The following ZCCHC7 variants were observed in gnomAD, a reference collection of about 807,000 sequenced individuals.
ZCCHC7 encodes the protein zinc finger CCHC-type containing 7.
ZCCHC7 carries 35 observed loss-of-function variants against 52.0 expected under a neutral mutation model. That is an observed-to-expected ratio of 0.67 (90% CI 0.51 to 0.89). ZCCHC7 has a LOEUF of 0.89. Among genes scored for constraint, ZCCHC7 ranks in the 40% least tolerant of loss-of-function variants. ZCCHC7 has a pLI of 0.00. For missense variants in ZCCHC7, 574 were observed against 649.1 expected (o/e 0.88, Z 1.26); for synonymous variants, 217 against 221.5 (o/e 0.98, Z 0.18).
chr9:37,135,792 G>A (rs1391029127), intron 2 of ZCCHC7, among the ~76,000 whole-genome samples: 2 of 152,114 alleles, frequency 1.3e-5, no homozygotes, highest in African/African-American at 4.8e-5. Context: ...CAACACTTAT[G>A]GCAGAAAGTG....
chr9:37,341,651 G>A (rs1264927798), intron 6 of ZCCHC7, among the ~76,000 whole-genome samples: 1 of 152,084 alleles, frequency 6.6e-6, no homozygotes, highest in African/African-American at 2.4e-5. Context: ...AAATAAAATG[G>A]CAGTACAGCA....
chr9:37,184,607 C>T (rs1206558312), intron 2 of ZCCHC7, among the ~76,000 whole-genome samples: 1 of 151,992 alleles, frequency 6.6e-6, no homozygotes, highest in Non-Finnish European at 1.5e-5. Context: ...GAGAGATTTC[C>T]AGCTTTATTT....
chr9:37,336,869 T>G (rs2118381400), intron 6 of ZCCHC7, among the ~76,000 whole-genome samples: 1 of 152,232 alleles, frequency 6.6e-6, no homozygotes, highest in Admixed American at 6.5e-5. Flanking sequence ...TTGTGGTCCT[T>G]CTCCATCCAT....
intron 6 of ZCCHC7, among the ~76,000 whole-genome samples, chr9:37,338,319 C>G (rs1263673231): frequency 6.6e-6 from 1 of 151,882 alleles, no homozygotes; most frequent in African/African-American, 2.4e-5. Context: ...AATATATAAC[C>G]CTTTCACTAT....
chr9:37,153,533 C>T lies in ZCCHC7; in HGVS notation c.610+26591C>T, dbSNP rs535670668. On this transcript the variant is annotated intron_variant, in intron 2 of 8. Transcript: ENST00000336755. ...TTCACTCTGTTTCCCAGGCTGGTCT[C>T]GAACTCCTAAGCTCAAGTGATTCTC... Among the ~76,000 whole-genome samples the T allele has an allele frequency of 3.6e-4, 55 of 151,700 alleles. 1 individual carries two copies. The South Asian group carries it at 7.1e-3, about 20-fold the overall frequency.
chr9:37,326,454 A>G (rs530200950), intron 5 of ZCCHC7, among the ~76,000 whole-genome samples: 4 of 151,540 alleles, frequency 2.6e-5, no homozygotes, highest in East Asian at 1.9e-4. Flanking sequence ...GCTGACCACT[A>G]AACAGTCTTT....
At chr9:37,173,452 C>T (rs1239798349) in intron 2 of ZCCHC7, among the ~76,000 whole-genome samples, 1 of 152,108 alleles carries the variant, frequency 6.6e-6, no homozygotes, top group Non-Finnish European at 1.5e-5. Context: ...ATAAGGAAAA[C>T]ATTCTTTTCC....
At chr9:37,291,780 A>G (rs868366522) in intron 2 of ZCCHC7, among the ~76,000 whole-genome samples, 1 of 151,870 alleles carries the variant, frequency 6.6e-6, no homozygotes, top group African/African-American at 2.4e-5. Flanking sequence ...CGCAACCTTC[A>G]CCTCCTGGGT....
intron 2 of ZCCHC7, among the ~76,000 whole-genome samples, chr9:37,260,444 C>T (rs908735231): frequency 6.6e-6 from 1 of 152,204 alleles, no homozygotes; most frequent in Non-Finnish European, 1.5e-5. Context: ...CACTGGTCTT[C>T]ATCTACAAAG....
At chr9:37,309,676 C>T (rs376729882) in intron 5 of ZCCHC7, among the ~76,000 whole-genome samples, 1 of 152,182 alleles carries the variant, frequency 6.6e-6, no homozygotes, top group Non-Finnish European at 1.5e-5. Flanking sequence ...TTACCCAGCA[C>T]TTTGGGAGGC....
intron 2 of ZCCHC7, among the ~76,000 whole-genome samples, chr9:37,174,149 G>A (rs929102909): frequency 1.3e-5 from 2 of 151,558 alleles, no homozygotes; most frequent in African/African-American, 2.4e-5. Flanking sequence ...CCATCTCTAC[G>A]AAAAATACAA....
chr9:37,314,402 A>T (rs977588476), intron 5 of ZCCHC7, among the ~76,000 whole-genome samples: 1 of 152,196 alleles, frequency 6.6e-6, no homozygotes, highest in Non-Finnish European at 1.5e-5. Flanking sequence ...AATTTTATTA[A>T]ATTTCAAACT....
chr9:37,347,793 G>T (rs1472973087), intron 6 of ZCCHC7, among the ~76,000 whole-genome samples: 1 of 152,180 alleles, frequency 6.6e-6, no homozygotes, highest in Admixed American at 6.5e-5. Flanking sequence ...TTCACAGTAA[G>T]GTTATCTGTG....
At chr9:37,231,121 T>G (rs1825382559) in intron 2 of ZCCHC7, among the ~76,000 whole-genome samples, 1 of 152,188 alleles carries the variant, frequency 6.6e-6, no homozygotes, top group Non-Finnish European at 1.5e-5. Context: ...ATTTTTTCTA[T>G]TTTTAGTAGA....
rs1005482927 is a variant in ZCCHC7 at position 37,238,545 on chromosome 9, C to T, written c.611-63643C>T. On this transcript the variant is annotated intron_variant, in intron 2 of 8. Transcript: ENST00000336755. ...AGTAAATAAGTTTTTTTTGTGTTAC[C>T]GAGAAACTGTTTAATAATAAATGTT... Among the ~76,000 whole-genome samples the T allele has an allele frequency of 2.6e-5, 4 of 151,356 alleles. No homozygotes were observed. In the East Asian group the frequency reaches 5.8e-4, roughly 22 times the overall value.
rs146081589 is a variant in ZCCHC7, at chr9:37,168,849, A to T, written c.610+41907A>T. ...AGGGACACAGCCAAATCTGACAGGG[A>T]CCCGCCCTCAGGAGCCCACATTCTA... On this transcript the variant is annotated intron_variant, in intron 2 of 8. Transcript: ENST00000336755. 3.2e-3 allele frequency among the ~76,000 whole-genome samples: 494 copies of T among 152,264 alleles called. 1 individual carries two copies. The highest frequency in any genetic ancestry group is 0.011 in the African/African-American group (467 of 41,548).
chr9:37,261,921 T>A (rs1027701224), intron 2 of ZCCHC7, among the ~76,000 whole-genome samples: 7 of 152,198 alleles, frequency 4.6e-5, no homozygotes, highest in South Asian at 2.1e-4. Flanking sequence ...GAGGTCTTAG[T>A]AAATGAGAAC....
intron 5 of ZCCHC7, among the ~76,000 whole-genome samples, chr9:37,319,750 A>G (rs761971457): frequency 6.6e-6 from 1 of 152,142 alleles, no homozygotes; most frequent in South Asian, 2.1e-4. Flanking sequence ...GTATTCTTTC[A>G]GATGTTTCTA....
chr9:37,200,848 C>A (rs1318649911), intron 2 of ZCCHC7, among the ~76,000 whole-genome samples: 1 of 152,248 alleles, frequency 6.6e-6, no homozygotes, highest in Non-Finnish European at 1.5e-5. Flanking sequence ...CTCATACCTA[C>A]TGTTCATTAG....
Sources: allele counts gnomAD v4.1 joint callset (sites outside exome capture counted in the v4.1 genomes callset), GRCh38; gene constraint gnomAD v4.1.1; transcripts MANE v1.5; gene names NCBI Gene and HGNC (gene_info 2026-07-23, HGNC 2026-07-21).